PRDM11: variants seen among roughly 807,000 people sequenced by gnomAD.
The protein encoded by PRDM11 is PR domain-containing protein 11.
A neutral mutation model predicts 97.8 loss-of-function variants in PRDM11; 20 were observed. That is an observed-to-expected ratio of 0.20 (90% confidence interval 0.14 to 0.30). PRDM11 has a LOEUF of 0.30. Among genes scored for constraint, PRDM11 ranks in the 10% least tolerant of loss-of-function variants. The pLI, the probability that PRDM11 is intolerant of heterozygous loss-of-function variation, is 1.00. For synonymous variants in PRDM11, 599 were observed against 637.7 expected (o/e 0.94, Z 0.91); for missense variants, 1,139 against 1,555.2 (o/e 0.73, Z 4.50).
At chr11:45,104,809 A>G (rs763984804) in intron 1 of PRDM11, among the ~76,000 whole-genome samples, 1 of 152,188 alleles carries the variant, frequency 6.6e-6, no homozygotes, top group Non-Finnish European at 1.5e-5. Flanking sequence ...AGGTTAATTC[A>G]GATCGGGGAC....
chr11:45,226,397 T>C lies in PRDM11; in HGVS notation c.1772T>C (p.Leu591Pro). The C allele has an allele frequency of 1.3e-6, 2 of 1,533,994 alleles. No individual in the cohort carries two copies. Among genetic ancestry groups the C allele is most frequent in the Non-Finnish European group, 1.7e-6 (2 of 1,146,750 alleles). ...GAGGAGATGTGTCGCAACATGACCC[T>C]GCTCTTCAACACCGCCTACCACCTG... ...KTEEMCRNMTLLFNTAYHLAL... is the reference protein window; with the variant it reads ...KTEEMCRNMTPLFNTAYHLAL... The change falls in exon 8 of 8, where the codon CTG becomes CCG. Residue 591 changes from leucine (L) to proline (P), a missense_variant. By Grantham distance (98) the Leu-to-Pro change is moderately conservative. This residue lies in a region of PRDM11 where 710 missense variants were observed against 1,044.9 expected (regional missense o/e 0.68). Transcript: ENST00000683152.
At chr11:45,207,335 G>A (rs1354986772) in intron 5 of PRDM11, among the ~76,000 whole-genome samples, 1 of 152,182 alleles carries the variant, frequency 6.6e-6, no homozygotes. Flanking sequence ...GCCAGGAGGC[G>A]AATGGGCACT....
upstream of PRDM11, among the ~76,000 whole-genome samples, chr11:45,143,279 G>T (rs1011338133): frequency 6.6e-6 from 1 of 152,206 alleles, no homozygotes; most frequent in Non-Finnish European, 1.5e-5. Context: ...GATCCAGGGG[G>T]CATTTACCTT....
chr11:45,114,822 G>GA (rs527676266), intron 1 of PRDM11, among the ~76,000 whole-genome samples: 7 of 150,028 alleles, frequency 4.7e-5, no homozygotes, highest in Admixed American at 2.7e-4. Context: ...TGCTGAAAGG[G>GA]AAAAAAAAAC....
chr11:45,137,616 C>T (rs1852897954), intron 1 of PRDM11, among the ~76,000 whole-genome samples: 1 of 151,984 alleles, frequency 6.6e-6, no homozygotes, highest in East Asian at 1.9e-4. Context: ...GGCATGGTGG[C>T]GTGCATCTGT....
At chr11:45,095,488 T>C (rs1428918280), upstream of PRDM11, among the ~76,000 whole-genome samples, 2 of 152,196 alleles carry the variant, frequency 1.3e-5, no homozygotes, top group African/African-American at 4.8e-5. Context: ...CTCGCCTTTG[T>C]CACTGTGGCA....
In PRDM11 at chr11:45,224,627, C is replaced by A. The variant is rs777358819; in HGVS notation, c.1153C>A (p.Pro385Thr). ...CCAATTGGAGGATGAAGAAGAGGAG[C>A]CTTCATCATTCAAGGCCGACAGTCC... is the stretch of plus-strand genomic sequence containing the variant. Reference protein sequence around the residue: ...PGQLEDEEEEPSSFKADSPAE... With the variant: ...PGQLEDEEEETSSFKADSPAE... The change falls in exon 7 of 8, where the codon CCT (proline) becomes ACT (threonine). Residue 385 changes from proline (P) to threonine (T), a missense_variant. Pro to Thr is a conservative substitution (Grantham distance 38). Around this residue, in one of 2 missense-constraint regions of PRDM11, gnomAD observed 429 missense variants for 510.3 expected, o/e 0.84. Transcript: ENST00000683152. The A allele has an allele frequency of 1.9e-6, 3 of 1,614,174 alleles. No individual in the cohort carries two copies. Among genetic ancestry groups the A allele is most frequent in the South Asian group, 2.2e-5 (2 of 91,078 alleles).
chr11:45,100,341 G>T (rs12363092), intron 1 of PRDM11, among the ~76,000 whole-genome samples: 35,716 of 152,086 alleles, frequency 0.23, 4,426 homozygotes, highest in Middle Eastern at 0.32. Context: ...ACTCACCCCA[G>T]GAGAAAAAAA....
intron 1 of PRDM11, among the ~76,000 whole-genome samples, chr11:45,171,972 A>C (rs1485609114): frequency 6.6e-6 from 1 of 152,232 alleles, no homozygotes; most frequent in East Asian, 1.9e-4. Flanking sequence ...ATAAGAGCTC[A>C]GTTACACAAG....
At chr11:45,100,026 C>T (rs1399724089) in intron 1 of PRDM11, among the ~76,000 whole-genome samples, 1 of 152,156 alleles carries the variant, frequency 6.6e-6, no homozygotes, top group African/African-American at 2.4e-5. Context: ...GGGATGCTAG[C>T]TAATGTCGGG....
intron 1 of PRDM11, among the ~76,000 whole-genome samples, chr11:45,100,081 C>A (rs1263430425): frequency 1.3e-5 from 2 of 152,090 alleles, no homozygotes; most frequent in East Asian, 3.9e-4. Flanking sequence ...AAAATGGCAT[C>A]ATTTGGCAGA....
chr11:45,146,503 G>A (rs568146050), upstream of PRDM11, among the ~76,000 whole-genome samples: 7 of 151,908 alleles, frequency 4.6e-5, no homozygotes, highest in Admixed American at 3.3e-4. Flanking sequence ...TCCCCCCTCC[G>A]GGCAGGGCGC....
chr11:45,120,597 C>T (rs1193372958), intron 1 of PRDM11, among the ~76,000 whole-genome samples: 1 of 151,816 alleles, frequency 6.6e-6, no homozygotes, highest in Non-Finnish European at 1.5e-5. Flanking sequence ...CTAAAATGTC[C>T]TTTAAAATTA....
intron 4 of PRDM11, among the ~76,000 whole-genome samples, chr11:45,195,990 G>A (rs1207672237): frequency 6.6e-6 from 1 of 152,158 alleles, no homozygotes; most frequent in Non-Finnish European, 1.5e-5. Flanking sequence ...AAACATTTGT[G>A]TACAAGTTTC....
chr11:45,210,152 C>G (rs1257160004), intron 5 of PRDM11, among the ~76,000 whole-genome samples: 1 of 152,206 alleles, frequency 6.6e-6, no homozygotes, highest in Non-Finnish European at 1.5e-5. Flanking sequence ...CTGGTCCTGA[C>G]TGCTTTGTTC....
intron 5 of PRDM11, among the ~76,000 whole-genome samples, chr11:45,208,144 T>C (rs1170082426): frequency 6.6e-6 from 1 of 152,146 alleles, no homozygotes; most frequent in Non-Finnish European, 1.5e-5. Flanking sequence ...CGTGGGCTTC[T>C]CAAATTCTAC....
intron 1 of PRDM11, among the ~76,000 whole-genome samples, chr11:45,168,408 A>C (rs1172239223): frequency 1.3e-5 from 2 of 152,152 alleles, no homozygotes; most frequent in Non-Finnish European, 2.9e-5. Context: ...CCCCAACTCC[A>C]GGAATTGGGA....
intron 4 of PRDM11, among the ~76,000 whole-genome samples, chr11:45,203,059 A>T (rs1853385786): frequency 6.6e-6 from 1 of 152,098 alleles, no homozygotes; most frequent in Non-Finnish European, 1.5e-5. Context: ...GCGGGACATG[A>T]TCTGATTTAC....
chr11:45,162,916 G>C (rs951562136), intron 1 of PRDM11, among the ~76,000 whole-genome samples: 4 of 152,236 alleles, frequency 2.6e-5, no homozygotes, highest in African/African-American at 9.6e-5. Flanking sequence ...CTCTCTGCAT[G>C]TCGGTTTTCT....
Sources: gnomAD v4.1 joint callset for allele counts (sites outside exome capture counted in the v4.1 genomes callset) on GRCh38, gnomAD v4.1.1 for gene constraint, gnomAD v4.1.1 regional missense constraint, MANE v1.5 for transcripts, NCBI Gene and HGNC (gene_info 2026-07-23, HGNC 2026-07-21) for gene names.